The following CTDSPL variants were observed in gnomAD, a reference collection of about 807,000 sequenced individuals.
The protein encoded by CTDSPL is CTD small phosphatase-like protein.
CTDSPL carries 8 observed loss-of-function variants against 30.5 expected under a neutral mutation model. The observed-to-expected ratio is 0.26, with a 90% CI of 0.15 to 0.47. The LOEUF (loss-of-function observed/expected upper bound fraction) is 0.47, where lower values mean the gene tolerates loss of function less well. Ranked by LOEUF, CTDSPL falls within the 20% of genes least tolerant of loss-of-function variation. The probability of loss-of-function intolerance (pLI) is 0.99; values close to 1 mark genes in which losing one functional copy is unlikely to be tolerated. For synonymous variants in CTDSPL, 110 were observed against 137.9 expected, an observed-to-expected ratio of 0.80 and a Z score of 1.42; for missense variants, 248 against 366.1, an observed-to-expected ratio of 0.68 and a Z score of 2.63.
chr3:37,876,950 A>T (rs1472907887), intron 1 of CTDSPL, among the ~76,000 whole-genome samples: 3 of 152,016 alleles, frequency 2.0e-5, no homozygotes, highest in Non-Finnish European at 4.4e-5. Flanking sequence ...TACTAAAAAT[A>T]CAAAAATTAG....
At chr3:37,892,504 C>G (rs1698339279) in intron 1 of CTDSPL, among the ~76,000 whole-genome samples, 1 of 152,064 alleles carries the variant, frequency 6.6e-6, no homozygotes, top group Non-Finnish European at 1.5e-5. Flanking sequence ...TATTTCTATG[C>G]ATTTACTCCT....
intron 1 of CTDSPL, chr3:37,911,659 G>C: frequency 2.2e-6 from 1 of 456,280 alleles, no homozygotes; most frequent in Admixed American, 2.4e-5. Flanking sequence ...CGTTTTAGTG[G>C]GTTTCCATTT....
intron 1 of CTDSPL, among the ~76,000 whole-genome samples, chr3:37,898,875 A>G (rs761242292): frequency 6.6e-6 from 1 of 152,228 alleles, no homozygotes; most frequent in Non-Finnish European, 1.5e-5. Context: ...GAGAAGCCTC[A>G]TATCTTATGG....
intron 1 of CTDSPL, among the ~76,000 whole-genome samples, chr3:37,893,426 C>T (rs1559626477): frequency 6.6e-6 from 1 of 152,200 alleles, no homozygotes; most frequent in African/African-American, 2.4e-5. Flanking sequence ...CCAGAGCTCT[C>T]TGGGGAACTA....
chr3:37,949,179 G>T (rs994713203), intron 2 of CTDSPL, among the ~76,000 whole-genome samples: 5 of 152,190 alleles, frequency 3.3e-5, no homozygotes, highest in Non-Finnish European at 7.3e-5. Context: ...TTTTAGCATG[G>T]AGTGGTAGGA....
chr3:37,917,552 G>A (rs1009099936), intron 1 of CTDSPL, among the ~76,000 whole-genome samples: 1 of 152,208 alleles, frequency 6.6e-6, no homozygotes, highest in Non-Finnish European at 1.5e-5. Context: ...ATGTAATCTA[G>A]TTGGAAATGT....
At chr3:37,866,666 A>G (rs915356371) in intron 1 of CTDSPL, among the ~76,000 whole-genome samples, 6 of 152,234 alleles carry the variant, frequency 3.9e-5, no homozygotes, top group Admixed American at 2.0e-4. Flanking sequence ...TTGTAAGCTA[A>G]TATGTGTCCT....
chr3:37,930,401 A>G (rs1410932340), intron 1 of CTDSPL, among the ~76,000 whole-genome samples: 2 of 152,080 alleles, frequency 1.3e-5, no homozygotes, highest in Non-Finnish European at 2.9e-5. Context: ...AGCTGGGACT[A>G]CAGGAGCACA....
At chr3:37,925,639 C>T (rs1327451652) in intron 1 of CTDSPL, among the ~76,000 whole-genome samples, 3 of 152,124 alleles carry the variant, frequency 2.0e-5, no homozygotes, top group Non-Finnish European at 4.4e-5. Context: ...TGAACAAAGG[C>T]CCTGCATTTT....
At chr3:37,867,469 A>G (rs1698023886) in intron 1 of CTDSPL, among the ~76,000 whole-genome samples, 1 of 152,146 alleles carries the variant, frequency 6.6e-6, no homozygotes, top group South Asian at 2.1e-4. Flanking sequence ...CTCTGGGATA[A>G]ATGCCCAGTG....
intron 7 of CTDSPL, among the ~76,000 whole-genome samples, chr3:37,978,860 C>G (rs1699457997): frequency 6.6e-6 from 1 of 152,048 alleles, no homozygotes; most frequent in Admixed American, 6.6e-5. Flanking sequence ...TACTTCTAGC[C>G]CATACTACAG....
At chr3:37,871,845 T>C (rs1034240012) in intron 1 of CTDSPL, among the ~76,000 whole-genome samples, 25 of 152,244 alleles carry the variant, frequency 1.6e-4, no homozygotes, top group Non-Finnish European at 2.8e-4. Context: ...GGGTAATTTC[T>C]GTTGTTCTGT....
chr3:37,955,739 A>G (rs1699163835), intron 2 of CTDSPL, among the ~76,000 whole-genome samples: 1 of 152,210 alleles, frequency 6.6e-6, no homozygotes, highest in Non-Finnish European at 1.5e-5. Flanking sequence ...TCTCTTGGGT[A>G]CAGTGCGTAT....
intron 1 of CTDSPL, among the ~76,000 whole-genome samples, chr3:37,902,528 A>G (rs942211114): frequency 6.6e-6 from 1 of 152,132 alleles, no homozygotes; most frequent in African/African-American, 2.4e-5. Flanking sequence ...CCATCATGCC[A>G]TCATTTTAGA....
chr3:37,968,308 T>C (rs1445842063), intron 5 of CTDSPL: 1 of 449,700 alleles, frequency 2.2e-6, no homozygotes, highest in Non-Finnish European at 4.4e-6. Flanking sequence ...AGACTGATCT[T>C]ATCATTCCTG....
chr3:37,867,349 C>T (rs1698022407), intron 1 of CTDSPL, among the ~76,000 whole-genome samples: 1 of 152,062 alleles, frequency 6.6e-6, no homozygotes, highest in Non-Finnish European at 1.5e-5. Context: ...GTTTGTTTAA[C>T]CATTCACGCT....
chr3:37,958,742 G>A lies in CTDSPL; in HGVS notation c.267+1599G>A, dbSNP rs117690077. Among the ~76,000 whole-genome samples, 388 of 152,334 alleles carry A rather than the reference G, an allele frequency of 2.5e-3. 7 individuals are homozygous for A. Among genetic ancestry groups the A allele is most frequent in the Admixed American group, 0.018 (282 of 15,308 alleles). On this transcript the variant is annotated intron_variant, in intron 3 of 7. Transcript: ENST00000273179. ...GCTGACTGTGTCCTACATGTGAGAT[G>A]TTGGGTCAGGCCATGTGAACCTATG... is the stretch of plus-strand genomic sequence containing the variant.
chr3:37,885,963 A>G (rs1698258132), intron 1 of CTDSPL, among the ~76,000 whole-genome samples: 1 of 152,196 alleles, frequency 6.6e-6, no homozygotes, highest in East Asian at 1.9e-4. Context: ...AACTACCCAC[A>G]ATCTCAGGGT....
At position 37,883,454 on chromosome 3, in the gene CTDSPL, A is replaced by G. The variant is rs528556177; in HGVS notation, c.79+21176A>G. ...CTTAATTTTCATTGACCTCTAACTA[A>G]AACATGGCATTTTTCTCAGTTATGA... On this transcript the variant is annotated intron_variant, in intron 1 of 7. Coordinates refer to ENST00000273179, the MANE Select transcript of CTDSPL (RefSeq NM_001008392.2). 2.6e-5 allele frequency among the ~76,000 whole-genome samples: 4 copies of G among 152,338 alleles called. No homozygotes were observed. The East Asian group carries it at 5.8e-4, about 22-fold the overall frequency.
Sources: gnomAD v4.1 joint callset for allele counts (sites outside exome capture counted in the v4.1 genomes callset) on GRCh38, gnomAD v4.1.1 for gene constraint, MANE v1.5 for transcripts, NCBI Gene and HGNC (gene_info 2026-07-23, HGNC 2026-07-21) for gene names.